Variants in USP29 observed in about 807,000 individuals in gnomAD.
The protein encoded by USP29 is ubiquitin carboxyl-terminal hydrolase 29.
For missense variants in USP29, 1,102 were observed against 1,069.0 expected, an observed-to-expected ratio of 1.03 and a Z score of -0.43; for synonymous variants, 386 against 387.4, an observed-to-expected ratio of 1.00 and a Z score of 0.04.
Position 57,125,336 on chromosome 19 carries a change from A to G in USP29, c.-17+1197A>G, listed in dbSNP as rs149469253. Among the ~76,000 whole-genome samples, 698 of 152,214 alleles carry G rather than the reference A, an allele frequency of 4.6e-3. 5 individuals are homozygous for G. The highest frequency in any genetic ancestry group is 0.016 in the African/African-American group (651 of 41,554). On this transcript the variant is annotated intron_variant, in intron 3 of 3. Transcript: ENST00000254181. Reference sequence around the variant, plus strand: ...ATAAGTGCTATGTGGTGATGATAATATTGATCTATCTAATATTAACAGGGG... The same window carrying G: ...ATAAGTGCTATGTGGTGATGATAATGTTGATCTATCTAATATTAACAGGGG...
intron 1 of USP29, among the ~76,000 whole-genome samples, chr19:57,121,650 T>A (rs967615509): frequency 6.8e-6 from 1 of 147,226 alleles, no homozygotes; most frequent in Non-Finnish European, 1.5e-5. Flanking sequence ...ATGTTATATA[T>A]ACTTACATAT....
In USP29 at chr19:57,122,375, G is replaced by C. The variant is rs1228965114; in HGVS notation, c.-217G>C. ...TTTGGAAGGCTGAGGCTGGAGGATC[G>C]ATTGAGGCCAGGAGTTTGGGACCAC... is the stretch of plus-strand genomic sequence containing the variant. On this transcript the variant is annotated 5_prime_UTR_variant, in exon 2 of 4. Coordinates refer to ENST00000254181, the MANE Select transcript of USP29 (RefSeq NM_020903.3). 1 of 152,066 alleles carries C rather than the reference G, an allele frequency of 6.6e-6. No homozygotes were observed. The highest frequency in any genetic ancestry group is 6.6e-5 in the Admixed American group (1 of 15,252). The allele number at this position is 152,066 out of a possible 1,614,324, so 9.4% of individuals were successfully genotyped here. A position where few individuals can be genotyped will look rare whatever the true frequency, so the allele number is the denominator to read the frequency against.
rs375010576 is a variant in USP29, at chr19:57,130,593, A to G, written c.1918A>G (p.Ile640Val). ...SELVHFRDRA[I>V]GEKELPVADS... is the part of the protein sequence containing the mutation. ...ATTGGTCCACTTTAGAGATAGGGCAATCGGTGAAAAGGAGCTTCCAGTGGC... is the reference window on the plus strand; with the variant it reads ...ATTGGTCCACTTTAGAGATAGGGCAGTCGGTGAAAAGGAGCTTCCAGTGGC... The change falls in exon 4 of 4, where the codon ATC becomes GTC. Residue 640 changes from isoleucine (I) to valine (V), a missense_variant. Physicochemically the swap from Ile to Val is conservative, Grantham distance 29. Transcript: ENST00000254181. 112 of 1,614,192 alleles carry G rather than the reference A, an allele frequency of 6.9e-5. No individual in the cohort carries two copies. Among genetic ancestry groups the G allele is most frequent in the Non-Finnish European group, 9.3e-5 (110 of 1,180,040 alleles).
In USP29 at chr19:57,129,499, C is replaced by T. The variant is rs749406830; in HGVS notation, c.824C>T (p.Pro275Leu). 1 of 1,614,196 alleles carries T rather than the reference C, an allele frequency of 6.2e-7. No homozygotes were observed. Among genetic ancestry groups the T allele is most frequent in the East Asian group, 2.2e-5 (1 of 44,878 alleles). The part of the protein sequence containing the change: ...GDPRCNKAQV[P>L]LDSHSQQLQQ... Reference sequence around the variant, plus strand: ...CCAAGATGCAACAAAGCCCAGGTGCCTCTTGACTCTCATTCACAGCAACTG... The same window carrying T: ...CCAAGATGCAACAAAGCCCAGGTGCTTCTTGACTCTCATTCACAGCAACTG... The change falls in exon 4 of 4, where the codon CCT (proline) becomes CTT (leucine). Residue 275 changes from proline to leucine, a missense_variant. Pro to Leu is a moderately conservative substitution (Grantham distance 98). Coordinates refer to ENST00000254181, the MANE Select transcript of USP29 (RefSeq NM_020903.3).
rs745456907 is a variant in USP29, at chr19:57,128,955, C to T, written c.280C>T (p.Gln94Ter). The change falls in exon 4 of 4, where the codon CAG becomes TAG. Residue 94 changes from glutamine to a stop codon, truncating the protein, a stop_gained. Transcript: ENST00000254181. LOFTEE classifies it low-confidence loss of function (END_TRUNC). ...IDKLSYRDAK[Q>*]LNMFLDIIHQ... ...CAAATTATCCTACAGAGATGCTAAACAGTTGAATATGTTCCTGGACATAAT... is the reference window on the plus strand; with the variant it reads ...CAAATTATCCTACAGAGATGCTAAATAGTTGAATATGTTCCTGGACATAAT... 1.9e-6 allele frequency: 3 copies of T among 1,613,976 alleles called. No individual in the cohort carries two copies. The highest frequency in any genetic ancestry group is 2.7e-5 in the African/African-American group (2 of 74,922).
chr19:57,120,022 C>A lies in USP29; in HGVS notation c.-475C>A, dbSNP rs1253360562. Reference sequence around the variant, plus strand: ...CCAGGAGAATCAGGGGAGTCGGCGCCGGAAGGGGCGGGTCCGAGCTGAGAT... The same window carrying A: ...CCAGGAGAATCAGGGGAGTCGGCGCAGGAAGGGGCGGGTCCGAGCTGAGAT... On this transcript the variant is annotated 5_prime_UTR_variant, in exon 1 of 4. Coordinates refer to ENST00000254181, the MANE Select transcript of USP29 (RefSeq NM_020903.3). 2 of 152,406 alleles carry A rather than the reference C, an allele frequency of 1.3e-5. No individual in the cohort carries two copies. The highest frequency in any genetic ancestry group is 4.8e-5 in the African/African-American group (2 of 41,464). The allele number at this position is 152,406 out of a possible 1,614,324, so 9.4% of individuals were successfully genotyped here. A position where few individuals can be genotyped will look rare whatever the true frequency, so the allele number is the denominator to read the frequency against.
In USP29 at chr19:57,128,821, G is replaced by T. The variant is rs1568455663; in HGVS notation, c.146G>T (p.Arg49Ile). 6.2e-7 allele frequency: 1 copy of T among 1,613,966 alleles called. No homozygotes were observed. Among genetic ancestry groups the T allele is most frequent in the East Asian group, 2.2e-5 (1 of 44,844 alleles). The change falls in exon 4 of 4, where the codon AGA (arginine) becomes ATA (isoleucine). Residue 49 changes from arginine (R) to isoleucine (I), a missense_variant. Physicochemically the swap from Arg to Ile is moderately conservative, Grantham distance 97 (BLOSUM62 -3). Transcript: ENST00000254181. ...ACTTTCAAATCTGGAAAATTTATAA[G>T]AATTTTTCAGCTGAGCAACAACATT... ...VVTFKSGKFI[R>I]IFQLSNNIRS...
intron 2 of USP29, among the ~76,000 whole-genome samples, chr19:57,122,988 A>C (rs1244502056): frequency 2.0e-5 from 3 of 152,216 alleles, no homozygotes; most frequent in Admixed American, 1.3e-4. Context: ...AACTGAGGAC[A>C]CATTAATTAT....
chr19:57,128,937 T>C lies in USP29; in HGVS notation c.262T>C (p.Ser88Pro), dbSNP rs1366065600. 6.2e-7 allele frequency: 1 copy of C among 1,613,910 alleles called. No individual in the cohort carries two copies. The highest frequency in any genetic ancestry group is 1.3e-5 in the African/African-American group (1 of 74,924). ...NNVFLFIDKL[S>P]YRDAKQLNMF... is the part of the protein sequence containing the mutation. ...CGTGTTCTTGTTTATTGACAAATTA[T>C]CCTACAGAGATGCTAAACAGTTGAA... Residue 88 changes from serine (S) to proline (P), a missense_variant, in exon 4 of 4, where the codon TCC (serine) becomes CCC (proline). Physicochemically the swap from Ser to Pro is moderately conservative, Grantham distance 74. Transcript: ENST00000254181.
intron 2 of USP29, 73 bp from the exon 3 acceptor site, chr19:57,123,966 A>G (rs995366413): frequency 2.0e-5 from 3 of 152,236 alleles, no homozygotes; most frequent in African/African-American, 7.2e-5. Context: ...AACATGAAAG[A>G]TGGTTGGGAC....
rs762991646 is a variant in USP29 at position 57,131,048 on chromosome 19, C to T, written c.2373C>T (p.Asn791=). The change falls in exon 4 of 4, where the codon AAC becomes AAT. Residue 791 remains asparagine, a synonymous_variant. Coordinates refer to ENST00000254181, the MANE Select transcript of USP29 (RefSeq NM_020903.3). ...ACCTTGGGGCACTGGGTTCTGACAA[C>T]CCAGGAAACAAAAACATTTTAGATG... ...LNHLGALGSD[N]PGNKNILDAE... 3.7e-6 allele frequency: 6 copies of T among 1,613,918 alleles called. No homozygotes were observed. Among genetic ancestry groups the T allele is most frequent in the Non-Finnish European group, 5.1e-6 (6 of 1,180,002 alleles).
Position 57,129,485 on chromosome 19 carries a change from C to A in USP29, c.810C>A (p.Asn270Lys). Reference protein sequence around the residue: ...PEHSQGDPRCNKAQVPLDSHS... With the variant: ...PEHSQGDPRCKKAQVPLDSHS... ...ACAGCCAGGGTGACCCAAGATGCAACAAAGCCCAGGTGCCTCTTGACTCTC... is the reference window on the plus strand; with the variant it reads ...ACAGCCAGGGTGACCCAAGATGCAAAAAAGCCCAGGTGCCTCTTGACTCTC... The change falls in exon 4 of 4, where the codon AAC (asparagine) becomes AAA (lysine). Residue 270 changes from asparagine (N) to lysine (K), a missense_variant. Transcript: ENST00000254181. The A allele has an allele frequency of 6.2e-7, 1 of 1,614,242 alleles. No homozygotes were observed. Among genetic ancestry groups the A allele is most frequent in the Non-Finnish European group, 8.5e-7 (1 of 1,180,056 alleles).
At chr19:57,123,661 T>A (rs879851937) in intron 2 of USP29, among the ~76,000 whole-genome samples, 8 of 152,142 alleles carry the variant, frequency 5.3e-5, no homozygotes, top group African/African-American at 1.9e-4. Flanking sequence ...ATACTTAAAG[T>A]TCTAGGTAAG....
chr19:57,126,071 C>A (rs4293489), intron 3 of USP29, among the ~76,000 whole-genome samples: 4 of 151,854 alleles, frequency 2.6e-5, no homozygotes, highest in African/African-American at 9.7e-5. Context: ...TCCTTAAGAA[C>A]GTTGAATATT....
intron 3 of USP29, among the ~76,000 whole-genome samples, chr19:57,128,048 G>A (rs370027304): frequency 1.9e-4 from 20 of 107,676 alleles, no homozygotes; most frequent in African/African-American, 5.6e-4. Flanking sequence ...CATTTCCCAG[G>A]TGAGGCAATG....
At chr19:57,123,781 A>G (rs2086809415) in intron 2 of USP29, among the ~76,000 whole-genome samples, 1 of 152,180 alleles carries the variant, frequency 6.6e-6, no homozygotes, top group African/African-American at 2.4e-5. Context: ...AAACCAATGA[A>G]TGTGAAGTCA....
Position 57,130,225 on chromosome 19 carries a change from A to G in USP29, c.1550A>G (p.Asn517Ser), listed in dbSNP as rs374241612. Residue 517 changes from asparagine to serine, a missense_variant, in exon 4 of 4, where the codon AAC (asparagine) becomes AGC (serine). By Grantham distance (46) the Asn-to-Ser change is conservative. Coordinates refer to ENST00000254181, the MANE Select transcript of USP29 (RefSeq NM_020903.3). ...ATTCATCTGAAACGCTATAGCTTCAACAATGCTTGGTTGCTGGTGAAGAAT... is the reference window on the plus strand; with the variant it reads ...ATTCATCTGAAACGCTATAGCTTCAGCAATGCTTGGTTGCTGGTGAAGAAT... ...LIIHLKRYSFNNAWLLVKNNE... is the reference protein window; with the variant it reads ...LIIHLKRYSFSNAWLLVKNNE... 25 of 1,614,176 alleles carry G rather than the reference A, an allele frequency of 1.5e-5. No homozygotes were observed. The African/African-American group carries it at 2.8e-4, about 18-fold the overall frequency.
chr19:57,127,727 G>A (rs1182950312), intron 3 of USP29, among the ~76,000 whole-genome samples: 1 of 152,130 alleles, frequency 6.6e-6, no homozygotes, highest in Non-Finnish European at 1.5e-5. Context: ...ATGGGAGTGG[G>A]ACCTGCTGAG....
At position 57,129,415 on chromosome 19, in the gene USP29, C is replaced by G. The variant is rs2086842187; in HGVS notation, c.740C>G (p.Thr247Ser). 1 of 1,614,074 alleles carries G rather than the reference C, an allele frequency of 6.2e-7. No homozygotes were observed. The highest frequency in any genetic ancestry group is 8.5e-7 in the Non-Finnish European group (1 of 1,180,054). ...GATGAGACTGTTCTTGCAACCCAGACTCTCAATGCCAAAAATGGTTTGACA... is the reference window on the plus strand; with the variant it reads ...GATGAGACTGTTCTTGCAACCCAGAGTCTCAATGCCAAAAATGGTTTGACA... ...NLDETVLATQ[T>S]LNAKNGLTSP... The change falls in exon 4 of 4, where the codon ACT becomes AGT. Residue 247 changes from threonine (T) to serine (S), a missense_variant. Coordinates refer to ENST00000254181, the MANE Select transcript of USP29 (RefSeq NM_020903.3).
Sources: allele counts gnomAD v4.1 joint callset (sites outside exome capture counted in the v4.1 genomes callset), GRCh38; gene constraint gnomAD v4.1.1; transcripts MANE v1.5; gene names NCBI Gene and HGNC (gene_info 2026-07-23, HGNC 2026-07-21).